Variants in ATP10B observed in about 807,000 individuals in gnomAD.
The protein encoded by ATP10B is phospholipid-transporting ATPase VB.
In ATP10B, 122 loss-of-function variants were observed where a neutral mutation model predicts 141.2. The observed-to-expected ratio is 0.86, with a 90% CI of 0.75 to 1.00. The LOEUF is 1.00. ATP10B is among the 50% of genes least tolerant of loss of function. The pLI, the probability that ATP10B is intolerant of heterozygous loss-of-function variation, is 0.00. For synonymous variants in ATP10B, 685 were observed against 692.0 expected, an observed-to-expected ratio of 0.99 and a Z score of 0.16; for missense variants, 1,876 against 1,825.3, an observed-to-expected ratio of 1.03 and a Z score of -0.51.
chr5:160,777,273 T>A (rs1282798391), intron 2 of ATP10B, among the ~76,000 whole-genome samples: 1 of 152,206 alleles, frequency 6.6e-6, no homozygotes, highest in African/African-American at 2.4e-5. Flanking sequence ...GACAGTATCT[T>A]GGTTTGGGGA....
chr5:160,812,517 A>G (rs1019127124), intron 1 of ATP10B, among the ~76,000 whole-genome samples: 2 of 152,176 alleles, frequency 1.3e-5, no homozygotes, highest in African/African-American at 2.4e-5. Context: ...CAGAGAAGGA[A>G]TTCAGAATTC....
At chr5:160,775,092 T>C (rs1255603619) in intron 2 of ATP10B, among the ~76,000 whole-genome samples, 2 of 152,220 alleles carry the variant, frequency 1.3e-5, no homozygotes, top group African/African-American at 4.8e-5. Context: ...CGCAACTCTG[T>C]TCGTGATCTG....
chr5:160,662,845 C>T (rs1325843170), intron 7 of ATP10B, among the ~76,000 whole-genome samples: 2 of 152,208 alleles, frequency 1.3e-5, no homozygotes, highest in Non-Finnish European at 2.9e-5. Context: ...AAGCTACCAT[C>T]AGAGTGAACA....
In ATP10B at chr5:160,666,764, C is replaced by G. The variant is rs190754631; in HGVS notation, c.675+3699G>C. Among the ~76,000 whole-genome samples, 81 of 152,338 alleles carry G rather than the reference C, an allele frequency of 5.3e-4. 1 individual carries two copies. In the East Asian group the frequency reaches 0.015, roughly 28 times the overall value. On this transcript the variant is annotated intron_variant, in intron 7 of 25. Transcript: ENST00000327245. ...AAAGAGCAGCCAAGATGTCTCCCTCCAGGGAGCAGGCTGAGCCCACTTTCA... is the reference window on the plus strand; with the variant it reads ...AAAGAGCAGCCAAGATGTCTCCCTCGAGGGAGCAGGCTGAGCCCACTTTCA...
intron 1 of ATP10B, among the ~76,000 whole-genome samples, chr5:160,787,126 A>ACACAC (rs1554116300): frequency 4.0e-5 from 6 of 148,164 alleles, no homozygotes; most frequent in South Asian, 2.2e-4. Flanking sequence ...ACACACACAC[A>ACACAC]CACACACACA....
rs569683347 is a variant in ATP10B at position 160,739,231 on chromosome 5, C to T, written c.-330-22197G>A. ...CTACACAGAACTTTATATCTATATT[C>T]GATGGTGAGAGGCTGGATGTTTTTC... On this transcript the variant is annotated intron_variant, in intron 2 of 25. Coordinates refer to ENST00000327245, the MANE Select transcript of ATP10B (RefSeq NM_025153.3). 4.6e-5 allele frequency among the ~76,000 whole-genome samples: 7 copies of T among 152,064 alleles called. 1 individual carries two copies. The highest frequency in any genetic ancestry group is 7.4e-5 in the Non-Finnish European group (5 of 68,008).
intron 18 of ATP10B, among the ~76,000 whole-genome samples, chr5:160,611,413 G>A (rs1757713791): frequency 2.0e-5 from 3 of 152,080 alleles, no homozygotes; most frequent in South Asian, 4.2e-4. Context: ...TTACAAGCAG[G>A]ACAGGCAGGC....
At position 160,612,945 on chromosome 5, in the gene ATP10B, C is replaced by G. The variant is rs1444402680; in HGVS notation, c.2654-20G>C. The G allele has an allele frequency of 3.1e-6, 5 of 1,601,124 alleles. No individual in the cohort carries two copies. The highest frequency in any genetic ancestry group is 3.4e-5 in the Admixed American group (2 of 58,064). ...TGGCTCCTGGAGTGATGAAAAACAA[C>G]AGAGTTCACATTTATCGTAAAAGAG... On this transcript the variant is annotated intron_variant, in intron 17 of 25. Coordinates refer to ENST00000327245, the MANE Select transcript of ATP10B (RefSeq NM_025153.3).
At chr5:160,910,986 T>C in the ATP10B span, among the ~76,000 whole-genome samples, 2 of 152,200 alleles carry the variant, frequency 1.3e-5, no homozygotes, top group Non-Finnish European at 2.9e-5. Context: ...AAAAGAGTCT[T>C]TCTTCCTCTT....
chr5:160,594,049 T>C (rs1394881350), intron 22 of ATP10B, among the ~76,000 whole-genome samples: 1 of 152,138 alleles, frequency 6.6e-6, no homozygotes, highest in Non-Finnish European at 1.5e-5. Context: ...GCCACAAAGA[T>C]AGTCCTCGAG....
chr5:160,878,428 C>T, the ATP10B span, among the ~76,000 whole-genome samples: 1 of 152,054 alleles, frequency 6.6e-6, no homozygotes, highest in Non-Finnish European at 1.5e-5. Context: ...ACCATAAAAA[C>T]CCTAGAAGAA....
chr5:160,789,457 T>C (rs1018224251), intron 1 of ATP10B, among the ~76,000 whole-genome samples: 22 of 152,186 alleles, frequency 1.4e-4, no homozygotes, highest in African/African-American at 4.8e-4. Context: ...CTGTAGGTCA[T>C]TGTAACAAAA....
intron 24 of ATP10B, among the ~76,000 whole-genome samples, chr5:160,581,649 T>C (rs1755561804): frequency 6.6e-6 from 1 of 152,238 alleles, no homozygotes; most frequent in Non-Finnish European, 1.5e-5. Flanking sequence ...TAGAGTTCTG[T>C]AGATGTCTAT....
chr5:160,649,001 A>G (rs1760505949), intron 8 of ATP10B, among the ~76,000 whole-genome samples, 170 bp downstream of exon 8: 1 of 151,814 alleles, frequency 6.6e-6, no homozygotes, highest in African/African-American at 2.4e-5. Flanking sequence ...GCAAAAAAAA[A>G]AAAATAGAAA....
intron 7 of ATP10B, among the ~76,000 whole-genome samples, chr5:160,651,143 C>A (rs1020989690): frequency 6.6e-6 from 1 of 152,054 alleles, no homozygotes; most frequent in Non-Finnish European, 1.5e-5. Context: ...TTTAATTTGC[C>A]TTTCTTTAGA....
chr5:160,667,368 G>A (rs997676130), intron 7 of ATP10B, among the ~76,000 whole-genome samples: 5 of 152,120 alleles, frequency 3.3e-5, no homozygotes, highest in Non-Finnish European at 7.3e-5. Flanking sequence ...TGTATAAAAT[G>A]GAGACAATAA....
At chr5:160,576,678 A>C (rs4921305) in intron 24 of ATP10B, among the ~76,000 whole-genome samples, 1 of 152,208 alleles carries the variant, frequency 6.6e-6, no homozygotes, top group Middle Eastern at 3.4e-3. Context: ...GAAGGATGAG[A>C]AGAGAGCCAG....
chr5:160,857,418 A>C, the ATP10B span, among the ~76,000 whole-genome samples: 2 of 151,342 alleles, frequency 1.3e-5, no homozygotes, highest in Admixed American at 1.3e-4. Context: ...ATTTTTGTCT[A>C]TTCTCTTGTC....
chr5:160,871,054 G>A, the ATP10B span, among the ~76,000 whole-genome samples: 2 of 152,230 alleles, frequency 1.3e-5, no homozygotes, highest in South Asian at 4.1e-4. Context: ...CAGTAGACCT[G>A]TCTTATAAGA....
Sources: gnomAD v4.1 joint callset for allele counts (sites outside exome capture counted in the v4.1 genomes callset) on GRCh38, gnomAD v4.1.1 for gene constraint, MANE v1.5 for transcripts, NCBI Gene and HGNC (gene_info 2026-07-23, HGNC 2026-07-21) for gene names.